Variants in LZIC observed in about 807,000 individuals in gnomAD.
The protein encoded by LZIC is protein LZIC.
A neutral mutation model predicts 25.4 loss-of-function variants in LZIC; 28 were observed. The observed-to-expected ratio is 1.10, with a 90% CI of 0.82 to 1.51. The LOEUF is 1.51. Among genes scored for constraint, LZIC ranks in the 40% most tolerant of loss-of-function variants. LZIC has a pLI of 0.00. For synonymous variants in LZIC, 65 were observed against 70.7 expected (o/e 0.92, Z 0.40); for missense variants, 170 against 211.1 (o/e 0.81, Z 1.21).
At chr1:9,930,572 TC>T in intron 7 of LZIC, 115 bp from the exon 8 acceptor site, 2 of 1,450,858 alleles carry the variant, frequency 1.4e-6, no homozygotes, top group South Asian at 2.4e-5. Flanking sequence ...ATAATTAGCC[TC>T]CATTATCAGT....
At chr1:9,942,919 G>A (rs1291382383) in intron 1 of LZIC, 137 bp from the exon 2 acceptor site, 2 of 354,126 alleles carry the variant, frequency 5.6e-6, no homozygotes, top group African/African-American at 2.1e-5. Context: ...TGCGCCTACC[G>A]CAGCCTTTCT....
intron 2 of LZIC, among the ~76,000 whole-genome samples, chr1:9,937,834 C>T (rs866458182): frequency 9.4e-6 from 1 of 106,282 alleles, no homozygotes; most frequent in Non-Finnish European, 1.7e-5. Context: ...GTTGACAGAG[C>T]GAGACCCTGA....
intron 1 of LZIC, 114 bp from the exon 2 acceptor site, chr1:9,942,896 T>C (rs1208246129): frequency 1.1e-5 from 4 of 363,342 alleles, no homozygotes; most frequent in Admixed American, 1.0e-4. Context: ...GCGGGGGCAC[T>C]TTCCCCCTCG....
At chr1:9,925,124 C>CTTTG (rs1302008796), downstream of LZIC, among the ~76,000 whole-genome samples, 6 of 141,914 alleles carry the variant, frequency 4.2e-5, no homozygotes, top group East Asian at 1.2e-3. Flanking sequence ...CCAGCCTGGC[C>CTTTG]AACATGCAGA....
Position 9,929,529 on chromosome 1 carries a change from G to C in LZIC, c.*870C>G. On this transcript the variant is annotated 3_prime_UTR_variant, in exon 8 of 8. Coordinates refer to ENST00000377223, the MANE Select transcript of LZIC (RefSeq NM_032368.5). ...ACAGCTGACAGTTACCCCCCTCTGA[G>C]TGTGACAAGAGGTCACGCACAGGGA... 2 of 985,378 alleles carry C rather than the reference G, an allele frequency of 2.0e-6. No individual in the cohort carries two copies. The highest frequency in any genetic ancestry group is 2.4e-6 in the Non-Finnish European group (2 of 829,916). The allele number at this position is 985,378 out of a possible 1,614,324, so 61.0% of individuals were successfully genotyped here.
downstream of LZIC, chr1:9,922,368 G>C (rs1019890590): frequency 1.0e-6 from 1 of 965,600 alleles, no homozygotes; most frequent in South Asian, 4.8e-5. Context: ...CCTGGGGAGC[G>C]AAAGTGAACT....
chr1:9,942,887 CG>C, intron 1 of LZIC, 105 bp from the exon 2 acceptor site: 1 of 364,468 alleles, frequency 2.7e-6, no homozygotes, highest in South Asian at 2.0e-5. Context: ...ACATCAAGGG[CG>C]GGGGCACTTT....
intron 7 of LZIC, among the ~76,000 whole-genome samples, chr1:9,930,793 C>G (rs1039493683): frequency 2.0e-5 from 3 of 151,168 alleles, no homozygotes; most frequent in African/African-American, 7.3e-5. Flanking sequence ...GATCTCGGCT[C>G]ACTGCAACTT....
chr1:9,933,493 T>C (rs940533923), intron 5 of LZIC, among the ~76,000 whole-genome samples: 1 of 151,990 alleles, frequency 6.6e-6, no homozygotes, highest in Non-Finnish European at 1.5e-5. Flanking sequence ...ATTGGGAATA[T>C]TCAAAGTACT....
In LZIC at chr1:9,937,485, C is replaced by T. The variant is rs189102007; in HGVS notation, c.-8-858G>A. 3.6e-3 allele frequency among the ~76,000 whole-genome samples: 552 copies of T among 151,768 alleles called. 5 individuals are homozygous for T. Among genetic ancestry groups the T allele is most frequent in the African/African-American group, 0.012 (506 of 41,402 alleles). On this transcript the variant is annotated intron_variant, in intron 2 of 7. Coordinates refer to ENST00000377223, the MANE Select transcript of LZIC (RefSeq NM_032368.5). Reference sequence around the variant, plus strand: ...GCTTGAACCTGGGAGGCAGAGGTTGCAGTGAGCTGAGATCACGCCACTGCA... The same window carrying T: ...GCTTGAACCTGGGAGGCAGAGGTTGTAGTGAGCTGAGATCACGCCACTGCA...
At chr1:9,939,086 CTTTT>C (rs368917323) in intron 2 of LZIC, among the ~76,000 whole-genome samples, 3 of 149,018 alleles carry the variant, frequency 2.0e-5, no homozygotes. Flanking sequence ...GGAATCACTT[CTTTT>C]TTTTTTAGAC....
rs771479795 is a variant in LZIC at position 9,928,350 on chromosome 1, G to A, written c.*2049C>T. On this transcript the variant is annotated 3_prime_UTR_variant, in exon 8 of 8. Transcript: ENST00000377223. ...CAACAACAACAACACAACAACAAAC[G>A]CAGCAATTCCATTCCTAGGTGTACA... Among the ~76,000 whole-genome samples the A allele has an allele frequency of 5.9e-5, 9 of 151,916 alleles. No homozygotes were observed. Among genetic ancestry groups the A allele is most frequent in the Non-Finnish European group, 1.2e-4 (8 of 67,978 alleles).
intron 7 of LZIC, 57 bp downstream of exon 7, chr1:9,931,834 G>T: frequency 1.8e-6 from 2 of 1,120,164 alleles, no homozygotes; most frequent in South Asian, 1.4e-5. Flanking sequence ...CCATCAGTTT[G>T]TATGTAATAT....
At chr1:9,936,849 G>A (rs1018283311) in intron 2 of LZIC, among the ~76,000 whole-genome samples, 1 of 152,232 alleles carries the variant, frequency 6.6e-6, no homozygotes, top group African/African-American at 2.4e-5. Flanking sequence ...ATGCAGCTGC[G>A]GCCAGGCGCC....
At chr1:9,930,531 A>G in intron 7 of LZIC, 74 bp from the exon 8 acceptor site, 1 of 1,588,220 alleles carries the variant, frequency 6.3e-7, no homozygotes, top group Admixed American at 1.7e-5. Flanking sequence ...AGTGGGAAAA[A>G]ATCTATCATA....
downstream of LZIC, among the ~76,000 whole-genome samples, chr1:9,922,589 T>A (rs1309621691): frequency 2.0e-5 from 3 of 152,252 alleles, no homozygotes; most frequent in East Asian, 5.8e-4. Context: ...CCTAGCACAG[T>A]GCTCAGCATG....
downstream of LZIC, among the ~76,000 whole-genome samples, chr1:9,926,098 T>A (rs1639976130): frequency 6.6e-6 from 1 of 151,728 alleles, no homozygotes; most frequent in Admixed American, 6.6e-5. Flanking sequence ...TTTCACCATG[T>A]TAGCCAGGAT....
chr1:9,934,902 C>A, intron 4 of LZIC, 42 bp from the exon 5 acceptor site: 2 of 1,385,170 alleles, frequency 1.4e-6, no homozygotes, highest in Non-Finnish European at 2.1e-6. Flanking sequence ...AATAGTCCAA[C>A]AAATCAGATA....
chr1:9,931,771 G>A lies in LZIC; in HGVS notation c.514+120C>T. 4 of 559,494 alleles carry A rather than the reference G, an allele frequency of 7.1e-6. No homozygotes were observed. The South Asian group carries it at 1.2e-4, about 16-fold the overall frequency. 34.7% of individuals were successfully genotyped at this position (559,494 alleles called of 1,614,324 possible). A position where few individuals can be genotyped will look rare whatever the true frequency, so the allele number is the denominator to read the frequency against. On this transcript the variant is annotated intron_variant, in intron 7 of 7. Transcript: ENST00000377223. ...ATGGATTTATAAAGAAAACAATTCT[G>A]GTTTCACTCTTAAACTCAAGGAAAG... is the stretch of plus-strand genomic sequence containing the variant.
Sources: gnomAD v4.1 joint callset for allele counts (sites outside exome capture counted in the v4.1 genomes callset) on GRCh38, gnomAD v4.1.1 for gene constraint, MANE v1.5 for transcripts, NCBI Gene and HGNC (gene_info 2026-07-23, HGNC 2026-07-21) for gene names.